The following ROBO2 variants were observed in gnomAD, a reference collection of about 807,000 sequenced individuals.
ROBO2 encodes roundabout homolog 2.
Under a neutral mutation model 160.8 loss-of-function variants are expected in ROBO2, and 53 were observed. That is an observed-to-expected ratio of 0.33 (90% confidence interval 0.26 to 0.41). The LOEUF (loss-of-function observed/expected upper bound fraction) is 0.41. Ranked by LOEUF, ROBO2 falls within the 10% of genes least tolerant of loss-of-function variation. The pLI is 1.00. For missense variants in ROBO2, 1,577 were observed against 1,722.4 expected, an observed-to-expected ratio of 0.92 and a Z score of 1.49; for synonymous variants, 664 against 611.7, an observed-to-expected ratio of 1.09 and a Z score of -1.26.
chr3:77,289,812 G>C (rs1292637561), intron 2 of ROBO2, among the ~76,000 whole-genome samples: 1 of 152,012 alleles, frequency 6.6e-6, no homozygotes, highest in Non-Finnish European at 1.5e-5. Context: ...AAGACATAAA[G>C]TAAAATTGAC....
At chr3:77,597,919 C>G (rs2094344506) in intron 19 of ROBO2, among the ~76,000 whole-genome samples, 1 of 152,058 alleles carries the variant, frequency 6.6e-6, no homozygotes, top group Admixed American at 6.5e-5. Flanking sequence ...AGAGGGTAAT[C>G]AGAAGCTGTT....
At chr3:76,888,088 C>T (rs2148797719) in intron 2 of ROBO2, among the ~76,000 whole-genome samples, 1 of 152,222 alleles carries the variant, frequency 6.6e-6, no homozygotes, top group Non-Finnish European at 1.5e-5. Flanking sequence ...AAGTATTGAG[C>T]CGGGCACAGT....
At chr3:76,617,754 T>C (rs186354230) in intron 2 of ROBO2, among the ~76,000 whole-genome samples, 2 of 152,198 alleles carry the variant, frequency 1.3e-5, no homozygotes, top group East Asian at 3.9e-4. Context: ...ACTATGCAAT[T>C]TATAAAGAAA....
Position 77,186,966 on chromosome 3 carries a change from G to A in ROBO2, c.388+88626G>A, listed in dbSNP as rs984027748. On this transcript the variant is annotated intron_variant, in intron 2 of 25. Transcript: ENST00000461745. ...TAACTCACACTTGCGGTATTCAAGA[G>A]GCAGGAAGTGAAAGCTATAAGTTTT... 3.9e-5 allele frequency among the ~76,000 whole-genome samples: 6 copies of A among 151,956 alleles called. 1 individual carries two copies. Among genetic ancestry groups the A allele is most frequent in the Admixed American group, 2.0e-4 (3 of 15,194 alleles).
exon 12 of ROBO2, chr3:77,564,991 C>A: frequency 1.2e-6 from 2 of 1,613,546 alleles, no homozygotes; most frequent in Non-Finnish European, 1.7e-6. Flanking sequence ...CGTGGCAAAC[C>A]ATGTAAAGAC....
chr3:76,355,008 G>A (rs1021362329), intron 2 of ROBO2, among the ~76,000 whole-genome samples: 3 of 150,734 alleles, frequency 2.0e-5, no homozygotes, highest in African/African-American at 7.4e-5. Flanking sequence ...ATCTGGATAT[G>A]TGTGTATGTG....
intron 6 of ROBO2, among the ~76,000 whole-genome samples, chr3:77,546,067 A>G (rs566351399): frequency 1.3e-5 from 2 of 152,278 alleles, no homozygotes; most frequent in East Asian, 3.9e-4. Flanking sequence ...AAATCATTTA[A>G]AAATCTAATT....
intron 2 of ROBO2, among the ~76,000 whole-genome samples, chr3:77,101,078 G>A (rs528685270): frequency 2.6e-5 from 4 of 152,178 alleles, no homozygotes; most frequent in Non-Finnish European, 5.9e-5. Context: ...TGAGAAAAGA[G>A]AATCTTTGAA....
At chr3:77,470,683 T>C (rs1032485234) in intron 2 of ROBO2, among the ~76,000 whole-genome samples, 1 of 152,158 alleles carries the variant, frequency 6.6e-6, no homozygotes, top group African/African-American at 2.4e-5. Context: ...TTACTGAAAA[T>C]CAGCACATAA....
At chr3:76,300,585 T>C (rs1290323248) in intron 2 of ROBO2, among the ~76,000 whole-genome samples, 1 of 152,152 alleles carries the variant, frequency 6.6e-6, no homozygotes, top group Non-Finnish European at 1.5e-5. Flanking sequence ...AATTAACAAA[T>C]TCTTCTACTT....
chr3:77,307,778 G>A (rs1453867298), intron 2 of ROBO2, among the ~76,000 whole-genome samples: 1 of 152,120 alleles, frequency 6.6e-6, no homozygotes, highest in Admixed American at 6.6e-5. Context: ...AGCTACTCGG[G>A]AGGCTAAGGC....
chr3:76,828,876 GA>G (rs1000816268), intron 2 of ROBO2, among the ~76,000 whole-genome samples: 26 of 147,304 alleles, frequency 1.8e-4, no homozygotes, highest in African/African-American at 4.0e-4. Flanking sequence ...TTTACAGACA[GA>G]AAAAAAAAAG....
intron 2 of ROBO2, among the ~76,000 whole-genome samples, chr3:76,241,522 G>T (rs1461071853): frequency 6.6e-6 from 1 of 152,174 alleles, no homozygotes; most frequent in Non-Finnish European, 1.5e-5. Flanking sequence ...CTTCGTGACT[G>T]AAACTCTTGA....
intron 2 of ROBO2, among the ~76,000 whole-genome samples, chr3:76,443,347 G>A (rs1473764941): frequency 6.6e-6 from 1 of 152,000 alleles, no homozygotes; most frequent in Non-Finnish European, 1.5e-5. Flanking sequence ...GTATGTATAG[G>A]AAAAAACACA....
intron 2 of ROBO2, among the ~76,000 whole-genome samples, chr3:77,452,923 C>T (rs556323843): frequency 6.5e-4 from 99 of 152,154 alleles, no homozygotes; most frequent in African/African-American, 2.3e-3. Context: ...CCTGTTGATC[C>T]TTAAAATGGG....
chr3:77,515,059 T>G (rs2089860371), intron 5 of ROBO2, among the ~76,000 whole-genome samples: 1 of 151,778 alleles, frequency 6.6e-6, no homozygotes, highest in Non-Finnish European at 1.5e-5. Context: ...AGCCAACTAT[T>G]TACATTCTAG....
chr3:77,282,555 C>T (rs1453814946), intron 2 of ROBO2, among the ~76,000 whole-genome samples: 1 of 151,940 alleles, frequency 6.6e-6, no homozygotes, highest in South Asian at 2.1e-4. Flanking sequence ...AATAGAAGTA[C>T]AAATTTTGTA....
rs2061690595 is a variant in ROBO2 at position 77,294,119 on chromosome 3, A to G, written c.389-183295A>G. 3.5e-5 allele frequency among the ~76,000 whole-genome samples: 5 copies of G among 141,830 alleles called. 2 individuals are homozygous for G. In the Admixed American group the frequency reaches 3.7e-4, roughly 10 times the overall value. 93.0% of individuals were successfully genotyped at this position (141,830 alleles called of 152,430 possible). A position where few individuals can be genotyped will look rare whatever the true frequency, so the allele number is the denominator to read the frequency against. On this transcript the variant is annotated intron_variant, in intron 2 of 25. Coordinates refer to ENST00000461745, the Ensembl canonical transcript of ROBO2. The stretch of plus-strand genomic sequence containing the variant: ...ATGGTTAAACGGGTAAGCTGAGGCT[A>G]GATCACCCCAGACATAAAGTAAAAT...
At chr3:76,061,303 G>A (rs904566278) in intron 2 of ROBO2, among the ~76,000 whole-genome samples, 2 of 152,186 alleles carry the variant, frequency 1.3e-5, no homozygotes, top group East Asian at 3.9e-4. Flanking sequence ...CAGCAACCAA[G>A]TTAATAATTA....
Sources: allele counts gnomAD v4.1 joint callset (sites outside exome capture counted in the v4.1 genomes callset), GRCh38; gene constraint gnomAD v4.1.1; transcripts MANE v1.5; gene names NCBI Gene and HGNC (gene_info 2026-07-23, HGNC 2026-07-21).